The following SHPRH variants were observed in gnomAD, a reference collection of about 807,000 sequenced individuals.
SHPRH encodes E3 ubiquitin-protein ligase SHPRH.
In SHPRH, 106 loss-of-function variants were observed where a neutral mutation model predicts 202.5. The ratio of observed to expected loss-of-function variants is 0.52; its 90% CI spans 0.45 to 0.62. The LOEUF is 0.62. Ranked by LOEUF, SHPRH falls within the 20% of genes least tolerant of loss-of-function variation. The pLI, the probability that SHPRH is intolerant of heterozygous loss-of-function variation, is 0.00. For missense variants in SHPRH, 1,710 were observed against 2,020.0 expected (o/e 0.85, Z 2.94); for synonymous variants, 729 against 686.0 (o/e 1.06, Z -0.98).
chr6:145,882,077 C>G (rs1446333085), downstream of SHPRH, among the ~76,000 whole-genome samples: 3 of 148,302 alleles, frequency 2.0e-5, no homozygotes, highest in Admixed American at 1.3e-4. Context: ...CCCTGGGTAA[C>G]AGAGACTGTG....
intron 25 of SHPRH, among the ~76,000 whole-genome samples, chr6:145,900,645 T>C (rs983362896): frequency 1.3e-5 from 2 of 152,074 alleles, no homozygotes; most frequent in Admixed American, 1.3e-4. Context: ...TGGGGAGTTC[T>C]AGGATCCCCA....
intron 11 of SHPRH, among the ~76,000 whole-genome samples, chr6:145,937,535 C>G (rs1234537602): frequency 1.3e-5 from 2 of 152,166 alleles, no homozygotes; most frequent in Admixed American, 1.3e-4. Flanking sequence ...CTCCACACTG[C>G]AACTAGAGTG....
intron 28 of SHPRH, among the ~76,000 whole-genome samples, chr6:145,891,529 G>T (rs1279342714): frequency 2.0e-5 from 3 of 152,080 alleles, no homozygotes; most frequent in Non-Finnish European, 2.9e-5. Flanking sequence ...CCCCATTACA[G>T]CTAGAATCGC....
chr6:145,886,477 G>GT lies in SHPRH; in HGVS notation c.*213dup. The stretch of plus-strand genomic sequence containing the variant: ...AAAAAATAAATGTTTTATTAGGAGT[G>GT]TAAAATTAAGAATCTTTATAGATCT... On this transcript the variant is annotated 3_prime_UTR_variant, in exon 30 of 30. Coordinates refer to ENST00000275233, the MANE Select transcript of SHPRH (RefSeq NM_001042683.3). The GT allele has an allele frequency of 2.2e-6, 2 of 928,716 alleles. No individual in the cohort carries two copies. Among genetic ancestry groups the GT allele is most frequent in the Non-Finnish European group, 3.5e-6 (2 of 576,546 alleles). The allele number at this position is 928,716 out of a possible 1,614,324, so 57.5% of individuals were successfully genotyped here.
At chr6:145,875,376 T>G (rs1780254641) in intron 2 of SHPRH, among the ~76,000 whole-genome samples, 1 of 152,228 alleles carries the variant, frequency 6.6e-6, no homozygotes, top group African/African-American at 2.4e-5. Context: ...GCCCAAAATG[T>G]CAATCACTAG....
chr6:145,918,102 G>A, intron 23 of SHPRH, 29 bp downstream of exon 23: 1 of 1,551,828 alleles, frequency 6.4e-7, no homozygotes, highest in Non-Finnish European at 8.8e-7. Flanking sequence ...TGCAGCATAG[G>A]AAAAAGTAGC....
chr6:145,940,599 A>G (rs1447174738), intron 11 of SHPRH, 124 bp downstream of exon 11: 4 of 881,864 alleles, frequency 4.5e-6, no homozygotes, highest in Non-Finnish European at 6.9e-6. Context: ...TTAGGAGTCA[A>G]CTATAAAGAC....
chr6:145,905,031 T>C (rs1242667610), intron 25 of SHPRH: 1 of 152,062 alleles, frequency 6.6e-6, no homozygotes, highest in African/African-American at 2.4e-5. Flanking sequence ...ATGACTCAGT[T>C]TCGTAGAGGC....
At chr6:145,913,091 G>A (rs937802047) in intron 24 of SHPRH, among the ~76,000 whole-genome samples, 4 of 152,000 alleles carry the variant, frequency 2.6e-5, no homozygotes, top group South Asian at 2.1e-4. Flanking sequence ...TAAGAACTAC[G>A]ATTCTATACT....
chr6:145,922,600 C>G, intron 19 of SHPRH, 63 bp downstream of exon 19: 1 of 1,512,102 alleles, frequency 6.6e-7, no homozygotes. Flanking sequence ...ATTGTTTCTT[C>G]TCTAAGAAAT....
intron 11 of SHPRH, 78 bp downstream of exon 11, chr6:145,940,645 T>C: frequency 7.1e-7 from 1 of 1,406,466 alleles, no homozygotes. Context: ...GCAGCAAAGG[T>C]TAAGCATAAC....
At chr6:145,903,425 TAC>T (rs199835793) in intron 25 of SHPRH, 1 of 102,518 alleles carries the variant, frequency 9.8e-6, no homozygotes, top group South Asian at 2.9e-4. Context: ...AATGTAGAGA[TAC>T]AGAGTTTTTT....
In SHPRH at chr6:145,885,306, G is replaced by A. The variant is rs1780903392; in HGVS notation, c.*1385C>T. ...TTAATTTCATATAAAAGAATCAATG[G>A]ATACCTCCTTTTAACTGAAGAATAA... On this transcript the variant is annotated 3_prime_UTR_variant, in exon 30 of 30. Transcript: ENST00000275233. 1 of 152,426 alleles carries A rather than the reference G, an allele frequency of 6.6e-6. No individual in the cohort carries two copies. The highest frequency in any genetic ancestry group is 1.5e-5 in the Non-Finnish European group (1 of 68,022). 9.4% of individuals were successfully genotyped at this position (152,426 alleles called of 1,614,324 possible). A position where few individuals can be genotyped will look rare whatever the true frequency, so the allele number is the denominator to read the frequency against.
intron 18 of SHPRH, 84 bp from the exon 19 acceptor site, chr6:145,922,920 C>T (rs1784546123): frequency 7.4e-7 from 1 of 1,352,162 alleles, no homozygotes; most frequent in Admixed American, 2.8e-5. Flanking sequence ...GGTTGCCAAA[C>T]AAAGTGTTAA....
chr6:145,895,900 T>C (rs930791592), intron 25 of SHPRH, among the ~76,000 whole-genome samples: 4 of 152,056 alleles, frequency 2.6e-5, no homozygotes, highest in African/African-American at 9.6e-5. Context: ...GCCTAACATC[T>C]GGTAAGGAGT....
chr6:145,892,940 T>A (rs1256924557), intron 28 of SHPRH, among the ~76,000 whole-genome samples: 2 of 151,828 alleles, frequency 1.3e-5, no homozygotes, highest in African/African-American at 2.4e-5. Context: ...TTGGATAAAG[T>A]GATAAGGTTT....
intron 25 of SHPRH, 172 bp downstream of exon 25, chr6:145,910,276 T>C: frequency 4.6e-6 from 3 of 653,748 alleles, no homozygotes; most frequent in Non-Finnish European, 7.7e-6. Flanking sequence ...CCTCCTACAA[T>C]TAAAAATTAC....
At chr6:145,901,461 G>T (rs1782499467) in intron 25 of SHPRH, among the ~76,000 whole-genome samples, 1 of 152,002 alleles carries the variant, frequency 6.6e-6, no homozygotes, top group Admixed American at 6.6e-5. Flanking sequence ...AAAGGGAATG[G>T]GTTACATATA....
At chr6:145,962,490 G>C (rs1269647526) in intron 1 of SHPRH, among the ~76,000 whole-genome samples, 2 of 152,170 alleles carry the variant, frequency 1.3e-5, no homozygotes, top group African/African-American at 2.4e-5. Context: ...TGAAATACTA[G>C]AACGAGGCAG....
Sources: allele counts gnomAD v4.1 joint callset (sites outside exome capture counted in the v4.1 genomes callset), GRCh38; gene constraint gnomAD v4.1.1; transcripts MANE v1.5; gene names NCBI Gene and HGNC (gene_info 2026-07-23, HGNC 2026-07-21).